Variants in MMP16 observed in about 807,000 individuals in gnomAD.
MMP16 encodes matrix metallopeptidase 16.
In MMP16, 12 loss-of-function variants were observed where a neutral mutation model predicts 67.8. That is an observed-to-expected ratio of 0.18 (90% CI 0.11 to 0.29). The LOEUF is 0.29. MMP16 is among the 10% of genes least tolerant of loss of function. MMP16 has a pLI of 1.00. For missense variants in MMP16, 475 were observed against 765.7 expected (o/e 0.62, Z 4.48); for synonymous variants, 249 against 255.9 (o/e 0.97, Z 0.26).
intron 1 of MMP16, among the ~76,000 whole-genome samples, chr8:88,218,892 G>C (rs1374834572): frequency 6.6e-6 from 1 of 151,940 alleles, no homozygotes; most frequent in East Asian, 1.9e-4. Context: ...CTTAAGAATT[G>C]GCTAAGTTTA....
intron 1 of MMP16, among the ~76,000 whole-genome samples, chr8:88,211,713 T>C (rs1182235219): frequency 6.6e-6 from 1 of 152,168 alleles, no homozygotes; most frequent in African/African-American, 2.4e-5. Context: ...CTTTCCTAAT[T>C]GCCTAATTCA....
At chr8:88,149,172 C>T (rs1408262976) in intron 4 of MMP16, among the ~76,000 whole-genome samples, 1 of 152,222 alleles carries the variant, frequency 6.6e-6, no homozygotes, top group African/African-American at 2.4e-5. Context: ...AAACGGCGCA[C>T]CACGAAACCA....
intron 1 of MMP16, among the ~76,000 whole-genome samples, chr8:88,295,126 C>T (rs1810992750): frequency 6.6e-6 from 1 of 152,180 alleles, no homozygotes; most frequent in African/African-American, 2.4e-5. Flanking sequence ...ATATTGTGCA[C>T]ACTTGGGATA....
chr8:88,125,156 T>C (rs1436035290), intron 4 of MMP16, among the ~76,000 whole-genome samples: 1 of 151,212 alleles, frequency 6.6e-6, no homozygotes, highest in Non-Finnish European at 1.5e-5. Context: ...TTTCATTGCT[T>C]CTTACTTTTA....
intron 1 of MMP16, among the ~76,000 whole-genome samples, chr8:88,255,628 C>T (rs565477570): frequency 7.2e-5 from 11 of 152,242 alleles, no homozygotes; most frequent in Admixed American, 3.3e-4. Flanking sequence ...CCAGTAAAAC[C>T]GTTGCCTCTT....
At chr8:88,167,581 A>T in intron 4 of MMP16, 88 bp downstream of exon 4, 1 of 1,294,546 alleles carries the variant, frequency 7.7e-7, no homozygotes. Flanking sequence ...TTTAGGATCT[A>T]TACCTTAAGT....
chr8:88,209,780 A>G (rs1809485240), intron 1 of MMP16, among the ~76,000 whole-genome samples: 2 of 152,160 alleles, frequency 1.3e-5, no homozygotes, highest in African/African-American at 2.4e-5. Context: ...CCCATGTTGC[A>G]GTGTGTAGAA....
intron 6 of MMP16, among the ~76,000 whole-genome samples, chr8:88,111,387 A>C (rs1411134410): frequency 6.6e-6 from 1 of 151,720 alleles, no homozygotes; most frequent in African/African-American, 2.4e-5. Flanking sequence ...TGCTCTACAT[A>C]CTGCAGTAGA....
chr8:88,047,736 G>C (rs1411342166), intron 8 of MMP16, among the ~76,000 whole-genome samples: 1 of 152,166 alleles, frequency 6.6e-6, no homozygotes, highest in Non-Finnish European at 1.5e-5. Context: ...GCGAGCCTTT[G>C]GCTTTACTCT....
chr8:88,193,440 G>C (rs896685635), intron 2 of MMP16, among the ~76,000 whole-genome samples: 2 of 150,918 alleles, frequency 1.3e-5, no homozygotes, highest in Admixed American at 1.3e-4. Context: ...GGCTGGGAAG[G>C]ATAGGAGGGA....
intron 6 of MMP16, among the ~76,000 whole-genome samples, chr8:88,076,824 A>C (rs1041784657): frequency 1.3e-5 from 2 of 152,214 alleles, no homozygotes; most frequent in African/African-American, 4.8e-5. Flanking sequence ...GATTCTGATA[A>C]AGAAATAACT....
At chr8:88,303,706 C>A (rs1301681538) in intron 1 of MMP16, among the ~76,000 whole-genome samples, 5 of 152,194 alleles carry the variant, frequency 3.3e-5, no homozygotes, top group African/African-American at 1.2e-4. Context: ...AGACCCCCAG[C>A]AAACTGCAGC....
At chr8:88,087,746 C>A (rs1275432564) in intron 6 of MMP16, among the ~76,000 whole-genome samples, 1 of 151,486 alleles carries the variant, frequency 6.6e-6, no homozygotes, top group East Asian at 2.0e-4. Context: ...GAGTTCAAGA[C>A]CAGCTGGGAC....
chr8:88,154,685 T>A (rs967817699), intron 4 of MMP16, among the ~76,000 whole-genome samples: 1 of 143,796 alleles, frequency 7.0e-6, no homozygotes, highest in African/African-American at 2.6e-5. Flanking sequence ...CATGGACACA[T>A]GAAGGGGAAT....
intron 7 of MMP16, among the ~76,000 whole-genome samples, chr8:88,074,294 C>CCAAA (rs1034940783): frequency 1.3e-5 from 2 of 152,168 alleles, no homozygotes; most frequent in East Asian, 1.9e-4. Flanking sequence ...TCCAAATACT[C>CCAAA]CAAACAAACA....
chr8:88,216,094 CTG>C (rs1226538748), intron 1 of MMP16, among the ~76,000 whole-genome samples: 1 of 152,130 alleles, frequency 6.6e-6, no homozygotes, highest in Non-Finnish European at 1.5e-5. Flanking sequence ...GTTCTTCAAA[CTG>C]TGGTGCACAG....
intron 6 of MMP16, among the ~76,000 whole-genome samples, chr8:88,091,971 C>G (rs916710970): frequency 3.3e-5 from 5 of 151,748 alleles, no homozygotes; most frequent in Non-Finnish European, 7.4e-5. Context: ...AGCATTTGAT[C>G]AATGTTATGA....
intron 1 of MMP16, among the ~76,000 whole-genome samples, chr8:88,273,907 C>A (rs934861374): frequency 1.3e-5 from 2 of 152,070 alleles, no homozygotes; most frequent in African/African-American, 2.4e-5. Context: ...GGAGGGGACA[C>A]CACAAAACAG....
At chr8:88,102,809 AC>A (rs1226207339) in intron 6 of MMP16, among the ~76,000 whole-genome samples, 1 of 151,868 alleles carries the variant, frequency 6.6e-6, no homozygotes, top group East Asian at 2.0e-4. Flanking sequence ...ATTTTATAAT[AC>A]CATAGTCCAC....
Sources: allele counts gnomAD v4.1 joint callset (sites outside exome capture counted in the v4.1 genomes callset), GRCh38; gene constraint gnomAD v4.1.1; transcripts MANE v1.5; gene names NCBI Gene and HGNC (gene_info 2026-07-23, HGNC 2026-07-21).